Variants in CCNY observed in about 807,000 individuals in gnomAD.
CCNY encodes cyclin-Y.
A neutral mutation model predicts 42.8 loss-of-function variants in CCNY; 19 were observed. The ratio of observed to expected loss-of-function variants is 0.44; its 90% CI spans 0.31 to 0.65. The LOEUF is 0.65. CCNY is among the 30% of genes least tolerant of loss of function. The pLI, the probability that CCNY is intolerant of heterozygous loss-of-function variation, is 0.07. For missense variants in CCNY, 370 were observed against 437.3 expected, an observed-to-expected ratio of 0.85 and a Z score of 1.37; for synonymous variants, 165 against 162.7, an observed-to-expected ratio of 1.01 and a Z score of -0.11.
chr10:35,261,191 G>A (rs912612121), intron 3 of CCNY, among the ~76,000 whole-genome samples: 1 of 148,816 alleles, frequency 6.7e-6, no homozygotes, highest in Non-Finnish European at 1.5e-5. Context: ...AGCAGTTTGA[G>A]ACCAGCCTGG....
chr10:35,385,112 A>G lies in CCNY; in HGVS notation c.154+47905A>G, dbSNP rs184507338. Among the ~76,000 whole-genome samples, 12 of 152,352 alleles carry G rather than the reference A, an allele frequency of 7.9e-5. No individual in the cohort carries two copies. The East Asian group carries it at 2.1e-3, about 27-fold the overall frequency. On this transcript the variant is annotated intron_variant, in intron 1 of 9. Transcript: ENST00000374704. ...GGCAGAAAGATAGTAGCAGAGATCC[A>G]GGTACATAACAGCTATCGATGGATT... is the stretch of plus-strand genomic sequence containing the variant.
At chr10:35,421,381 C>A (rs1838155825) in intron 1 of CCNY, among the ~76,000 whole-genome samples, 1 of 152,184 alleles carries the variant, frequency 6.6e-6, no homozygotes, top group South Asian at 2.1e-4. Context: ...GATCCTAACT[C>A]CAGTCTCCTG....
chr10:35,561,386 A>G (rs1423744837), intron 8 of CCNY, among the ~76,000 whole-genome samples: 1 of 152,212 alleles, frequency 6.6e-6, no homozygotes, highest in Non-Finnish European at 1.5e-5. Context: ...CATTTTTATT[A>G]TATAGAACTT....
intron 2 of CCNY, among the ~76,000 whole-genome samples, chr10:35,499,905 T>A (rs143908220): frequency 8.3e-4 from 127 of 152,368 alleles, no homozygotes; most frequent in African/African-American, 2.7e-3. Context: ...TTAGTATGAA[T>A]TAATTTAATT....
At chr10:35,423,028 G>T (rs1023928393) in intron 1 of CCNY, among the ~76,000 whole-genome samples, 1 of 152,192 alleles carries the variant, frequency 6.6e-6, no homozygotes, top group Non-Finnish European at 1.5e-5. Flanking sequence ...CACTTGATTT[G>T]TGAATCTATT....
intron 3 of CCNY, among the ~76,000 whole-genome samples, chr10:35,307,974 C>T (rs1272446795): frequency 6.6e-6 from 1 of 151,030 alleles, no homozygotes; most frequent in African/African-American, 2.4e-5. Context: ...ACCACCATCA[C>T]GTCCAGCTAA....
intron 1 of CCNY, among the ~76,000 whole-genome samples, chr10:35,474,696 A>G (rs1839467035): frequency 1.3e-5 from 2 of 152,092 alleles, no homozygotes; most frequent in African/African-American, 4.8e-5. Context: ...AAAGATGGGG[A>G]AAAAACAGAA....
intron 3 of CCNY, among the ~76,000 whole-genome samples, chr10:35,309,999 A>G (rs1835664073): frequency 6.6e-6 from 1 of 151,170 alleles, no homozygotes; most frequent in Non-Finnish European, 1.5e-5. Flanking sequence ...GCAGGGTTTC[A>G]CCATGTTAGC....
chr10:35,560,212 G>A (rs1183099926), intron 8 of CCNY, among the ~76,000 whole-genome samples: 1 of 152,148 alleles, frequency 6.6e-6, no homozygotes, highest in East Asian at 1.9e-4. Flanking sequence ...GGGGCTGTTA[G>A]GATGAGGTGA....
At chr10:35,550,891 C>A (rs755598766) in intron 7 of CCNY, among the ~76,000 whole-genome samples, 1 of 152,146 alleles carries the variant, frequency 6.6e-6, no homozygotes, top group Non-Finnish European at 1.5e-5. Context: ...AGGTCCCTTG[C>A]CCCTGGCTTT....
chr10:35,404,371 A>C (rs1305991938), intron 1 of CCNY, among the ~76,000 whole-genome samples: 1 of 152,112 alleles, frequency 6.6e-6, no homozygotes, highest in African/African-American at 2.4e-5. Context: ...TGAGTTAGGG[A>C]GAGCTAGTGT....
chr10:35,519,350 A>G (rs1840497213), intron 4 of CCNY, among the ~76,000 whole-genome samples: 2 of 151,974 alleles, frequency 1.3e-5, no homozygotes, highest in Non-Finnish European at 2.9e-5. Flanking sequence ...TCTTGATTGA[A>G]TCTGGCTGAG....
At chr10:35,492,812 C>T (rs577763448) in intron 2 of CCNY, among the ~76,000 whole-genome samples, 2 of 152,322 alleles carry the variant, frequency 1.3e-5, no homozygotes, top group South Asian at 4.1e-4. Flanking sequence ...TTACCTTCTC[C>T]TACCTTCCCT....
At position 35,343,591 on chromosome 10, in the gene CCNY, T is replaced by A. The variant is rs183403720; in HGVS notation, c.154+6384T>A. On this transcript the variant is annotated intron_variant, in intron 1 of 9. Transcript: ENST00000374704. ...TTTTAGTAGAGACGGGGTTTTGCCA[T>A]GTTGGCCAGGCCGATCTCAAACTCC... is the stretch of plus-strand genomic sequence containing the variant. 5.3e-5 allele frequency among the ~76,000 whole-genome samples: 8 copies of A among 151,978 alleles called. No individual in the cohort carries two copies. In the East Asian group the frequency reaches 1.6e-3, roughly 30 times the overall value.
chr10:35,401,317 A>C (rs1422150559), intron 1 of CCNY, among the ~76,000 whole-genome samples: 1 of 152,202 alleles, frequency 6.6e-6, no homozygotes, highest in Non-Finnish European at 1.5e-5. Flanking sequence ...CTCTTTTGTG[A>C]TAGTGCTGTC....
intron 3 of CCNY, among the ~76,000 whole-genome samples, chr10:35,295,192 G>T (rs1489546805): frequency 1.3e-5 from 2 of 151,342 alleles, no homozygotes; most frequent in Non-Finnish European, 2.9e-5. Context: ...TAATTTGTTG[G>T]CATACAGATA....
intron 1 of CCNY, among the ~76,000 whole-genome samples, chr10:35,400,214 G>T (rs974855472): frequency 4.7e-5 from 7 of 147,616 alleles, no homozygotes; most frequent in African/African-American, 1.8e-4. Context: ...TACTAAAAAC[G>T]GCTTCTAGTG....
At chr10:35,346,473 C>G (rs925735280) in intron 1 of CCNY, among the ~76,000 whole-genome samples, 2 of 152,202 alleles carry the variant, frequency 1.3e-5, no homozygotes, top group African/African-American at 4.8e-5. Flanking sequence ...CCTGTAAAGT[C>G]TCTTGATGAC....
At chr10:35,423,160 A>G (rs12263810) in intron 1 of CCNY, among the ~76,000 whole-genome samples, 179 of 151,824 alleles carry the variant, frequency 1.2e-3, no homozygotes, top group African/African-American at 4.1e-3. Context: ...ACTTTTTTTT[A>G]TAGAGTCTTT....
Sources: allele counts gnomAD v4.1 joint callset (sites outside exome capture counted in the v4.1 genomes callset), GRCh38; gene constraint gnomAD v4.1.1; transcripts MANE v1.5; gene names NCBI Gene and HGNC (gene_info 2026-07-23, HGNC 2026-07-21).